Variants in CCDC30 observed in about 807,000 individuals in gnomAD.
CCDC30 encodes coiled-coil domain containing 30.
In CCDC30, 70 loss-of-function variants were observed where a neutral mutation model predicts 100.2. The observed-to-expected ratio is 0.70, with a 90% CI of 0.58 to 0.85. The LOEUF (loss-of-function observed/expected upper bound fraction) is 0.85. Ranked by LOEUF, CCDC30 falls within the 40% of genes least tolerant of loss-of-function variation. The probability of loss-of-function intolerance (pLI) is 0.00; values close to 1 mark genes in which losing one functional copy is unlikely to be tolerated. For synonymous variants in CCDC30, 233 were observed against 269.5 expected, an observed-to-expected ratio of 0.86 and a Z score of 1.33; for missense variants, 652 against 771.2, an observed-to-expected ratio of 0.85 and a Z score of 1.83.
At chr1:42,456,113 C>T in the CCDC30 span, 2 of 782,720 alleles carry the variant, frequency 2.6e-6, no homozygotes, top group South Asian at 1.5e-5. Flanking sequence ...GGGCAGAGGG[C>T]GGCGGGACGT....
chr1:42,570,443 A>G (rs1053957236), intron 7 of CCDC30, among the ~76,000 whole-genome samples: 1 of 152,168 alleles, frequency 6.6e-6, no homozygotes, highest in Non-Finnish European at 1.5e-5. Context: ...ACACTTAGAA[A>G]ATGCATAAAA....
At chr1:42,482,531 TCACA>T (rs145059681) in intron 2 of CCDC30, 128 bp from the exon 3 acceptor site, 3 of 461,610 alleles carry the variant, frequency 6.5e-6, no homozygotes, top group African/African-American at 2.1e-5. Context: ...ACACACACAC[TCACA>T]CACACAAAGA....
Position 42,515,371 on chromosome 1 carries a change from C to T in CCDC30, c.456+16455C>T, listed in dbSNP as rs542808389. Reference sequence around the variant, plus strand: ...AATACATTTCTATTGTTTTAAGACCCCAGTTTGTGGGATTTTGTTATGGTA... The same window carrying T: ...AATACATTTCTATTGTTTTAAGACCTCAGTTTGTGGGATTTTGTTATGGTA... On this transcript the variant is annotated intron_variant, in intron 6 of 16. Coordinates refer to ENST00000668663, the Ensembl canonical transcript of CCDC30. 1.4e-4 allele frequency among the ~76,000 whole-genome samples: 21 copies of T among 152,226 alleles called. No individual in the cohort carries two copies. In the South Asian group the frequency reaches 4.4e-3, roughly 32 times the overall value.
At chr1:42,543,035 T>C (rs1312863041) in intron 6 of CCDC30, among the ~76,000 whole-genome samples, 3 of 152,210 alleles carry the variant, frequency 2.0e-5, no homozygotes. Context: ...AGCTCATTAA[T>C]AAAATTGTCT....
At chr1:42,632,732 C>T (rs1040206034) in intron 11 of CCDC30, among the ~76,000 whole-genome samples, 2 of 149,318 alleles carry the variant, frequency 1.3e-5, no homozygotes, top group Admixed American at 1.3e-4. Flanking sequence ...TGTACTCTAG[C>T]ATGGGCAACA....
intron 15 of CCDC30, among the ~76,000 whole-genome samples, chr1:42,650,709 C>T (rs1648277225): frequency 6.6e-6 from 1 of 151,902 alleles, no homozygotes; most frequent in Non-Finnish European, 1.5e-5. Flanking sequence ...TCACTGCAGC[C>T]TCAACTTCCT....
At chr1:42,567,228 C>G (rs1228282146) in intron 7 of CCDC30, among the ~76,000 whole-genome samples, 1 of 152,104 alleles carries the variant, frequency 6.6e-6, no homozygotes, top group Non-Finnish European at 1.5e-5. Flanking sequence ...TGTCTGCCTT[C>G]TGTTTTTATA....
At chr1:42,502,871 C>A (rs1293486724) in intron 6 of CCDC30, among the ~76,000 whole-genome samples, 1 of 152,086 alleles carries the variant, frequency 6.6e-6, no homozygotes, top group Non-Finnish European at 1.5e-5. Context: ...AGTACTTTAT[C>A]CCTTTCTGTG....
At chr1:42,556,602 T>C (rs374632420) in intron 6 of CCDC30, among the ~76,000 whole-genome samples, 197 bp downstream of exon 10, 13 of 152,176 alleles carry the variant, frequency 8.5e-5, no homozygotes, top group African/African-American at 3.1e-4. Context: ...ATATGGAGAA[T>C]GGGGCATCCA....
Position 42,546,415 on chromosome 1 carries a change from T to A in CCDC30, c.457-19881T>A, listed in dbSNP as rs1287377775. Among the ~76,000 whole-genome samples, 27 of 3,142 alleles carry A rather than the reference T, an allele frequency of 8.6e-3. 1 individual carries two copies. The highest frequency in any genetic ancestry group is 0.054 in the South Asian group (3 of 56). 2.1% of individuals were successfully genotyped at this position (3,142 alleles called of 152,430 possible). Reference sequence around the variant, plus strand: ...AAAAAAAAAAATATATATATATATATATATATATATATATATATATATATA... The same window carrying A: ...AAAAAAAAAAATATATATATATATAAATATATATATATATATATATATATA... On this transcript the variant is annotated intron_variant, in intron 6 of 16. Coordinates refer to ENST00000668663, the Ensembl canonical transcript of CCDC30.
intron 6 of CCDC30, among the ~76,000 whole-genome samples, chr1:42,565,178 T>G (rs1177456973): frequency 1.3e-5 from 2 of 152,120 alleles, no homozygotes; most frequent in East Asian, 3.9e-4. Flanking sequence ...AAAGCAAAAA[T>G]AGACAAATGG....
chr1:42,647,479 T>A (rs1054289472), intron 15 of CCDC30, among the ~76,000 whole-genome samples: 5 of 152,300 alleles, frequency 3.3e-5, no homozygotes, highest in Admixed American at 6.5e-5. Context: ...GACTGCAACC[T>A]AATAATAGTG....
intron 7 of CCDC30, among the ~76,000 whole-genome samples, chr1:42,572,488 A>G (rs1041867720): frequency 6.6e-6 from 1 of 152,122 alleles, no homozygotes; most frequent in African/African-American, 2.4e-5. Flanking sequence ...CTTTTGATGA[A>G]TCAAAGTTTT....
In CCDC30 at chr1:42,636,905, G is replaced by A. The variant is rs1426083754; in HGVS notation, c.1278-332G>A. Among the ~76,000 whole-genome samples, 17 of 136,070 alleles carry A rather than the reference G, an allele frequency of 1.2e-4. No individual in the cohort carries two copies. In the Admixed American group the frequency reaches 1.3e-3, roughly 11 times the overall value. The allele number at this position is 136,070 out of a possible 152,430, so 89.3% of individuals were successfully genotyped here. A position where few individuals can be genotyped will look rare whatever the true frequency, so the allele number is the denominator to read the frequency against. ...CGCTTGAACCCAGGAGGTGGAGGTT[G>A]CAGTGAGCTGAGATCCTGCCATTGC... is the stretch of plus-strand genomic sequence containing the variant. On this transcript the variant is annotated intron_variant, in intron 11 of 16. Coordinates refer to ENST00000668663, the Ensembl canonical transcript of CCDC30.
At chr1:42,456,840 A>T in the CCDC30 span, 1 of 1,613,326 alleles carries the variant, frequency 6.2e-7, no homozygotes, top group Non-Finnish European at 8.5e-7. Flanking sequence ...GCCTTCCCCT[A>T]TGCCCACCGC....
chr1:42,537,143 G>C, intron 6 of CCDC30: 1 of 454,616 alleles, frequency 2.2e-6, no homozygotes, highest in African/African-American at 2.0e-5. Flanking sequence ...CTAGCACTAA[G>C]CAAAGAGTCC....
Position 42,635,886 on chromosome 1 carries a change from T to C in CCDC30, c.1278-1351T>C, listed in dbSNP as rs528997737. Among the ~76,000 whole-genome samples, 138 of 152,248 alleles carry C rather than the reference T, an allele frequency of 9.1e-4. 8 individuals carry two copies. The South Asian group carries it at 0.027, about 30-fold the overall frequency. On this transcript the variant is annotated intron_variant, in intron 11 of 16. Transcript: ENST00000668663. ...GCTGTTTTCTAAAGAGACTATACTATTTTATATTCCTGCCTGCAGTGTATA... is the reference window on the plus strand; with the variant it reads ...GCTGTTTTCTAAAGAGACTATACTACTTTATATTCCTGCCTGCAGTGTATA...
At chr1:42,511,610 G>T (rs1644478615) in intron 6 of CCDC30, among the ~76,000 whole-genome samples, 1 of 152,158 alleles carries the variant, frequency 6.6e-6, no homozygotes, top group Non-Finnish European at 1.5e-5. Context: ...GAGGCCATTT[G>T]TGGCCAATTA....
chr1:42,477,855 T>C (rs1643901007), intron 1 of CCDC30, among the ~76,000 whole-genome samples: 1 of 152,118 alleles, frequency 6.6e-6, no homozygotes, highest in Admixed American at 6.5e-5. Context: ...CAAAGGAGAT[T>C]GCATTGAGTT....
Sources: allele counts gnomAD v4.1 joint callset (sites outside exome capture counted in the v4.1 genomes callset), GRCh38; gene constraint gnomAD v4.1.1; transcripts MANE v1.5; gene names NCBI Gene and HGNC (gene_info 2026-07-23, HGNC 2026-07-21).